The following LINGO2 variants were observed in gnomAD, a reference collection of about 807,000 sequenced individuals.
The protein encoded by LINGO2 is leucine rich repeat and Ig domain containing 2, also known as leucine-rich repeat and immunoglobulin-like domain-containing nogo receptor-interacting protein 2.
Under a neutral mutation model 30.6 loss-of-function variants are expected in LINGO2, and 14 were observed. That is an observed-to-expected ratio of 0.46 (90% CI 0.30 to 0.72). The LOEUF is 0.72. Among genes scored for constraint, LINGO2 ranks in the 30% least tolerant of loss-of-function variants. The probability of loss-of-function intolerance (pLI) is 0.07; values close to 1 mark genes in which losing one functional copy is unlikely to be tolerated. For synonymous variants in LINGO2, 317 were observed against 288.5 expected, an observed-to-expected ratio of 1.10 and a Z score of -1.00; for missense variants, 729 against 751.7, an observed-to-expected ratio of 0.97 and a Z score of 0.35.
At chr9:28,939,180 A>AG in the LINGO2 span, among the ~76,000 whole-genome samples, 835 of 151,252 alleles carry the variant, frequency 5.5e-3, 18 homozygotes, top group East Asian at 0.065. Context: ...AGGCTACTTA[A>AG]GCTACTTAAG....
At chr9:28,626,904 T>C (rs1398064797) in intron 1 of LINGO2, among the ~76,000 whole-genome samples, 1 of 152,048 alleles carries the variant, frequency 6.6e-6, no homozygotes, top group African/African-American at 2.4e-5. Context: ...ATGTTTATAG[T>C]AGCCATTTTA....
chr9:28,215,579 A>C (rs1820737836), intron 4 of LINGO2, among the ~76,000 whole-genome samples: 1 of 151,836 alleles, frequency 6.6e-6, no homozygotes, highest in Non-Finnish European at 1.5e-5. Flanking sequence ...GATTGGTTCA[A>C]TTTAATCAAA....
chr9:29,161,482 A>G, the LINGO2 span, among the ~76,000 whole-genome samples: 19 of 152,172 alleles, frequency 1.2e-4, no homozygotes, highest in African/African-American at 4.3e-4. Context: ...CTAGTATCCT[A>G]TGAATGTCTC....
At chr9:28,360,128 C>T (rs1820383092) in intron 3 of LINGO2, among the ~76,000 whole-genome samples, 1 of 152,128 alleles carries the variant, frequency 6.6e-6, no homozygotes, top group Non-Finnish European at 1.5e-5. Flanking sequence ...GGTATGAGCT[C>T]ACAAAATGGT....
chr9:28,374,149 G>T (rs1389992889), intron 2 of LINGO2, among the ~76,000 whole-genome samples: 1 of 150,850 alleles, frequency 6.6e-6, no homozygotes, highest in Admixed American at 6.6e-5. Flanking sequence ...AAGGCCTACG[G>T]AGTATTTGAT....
intron 2 of LINGO2, among the ~76,000 whole-genome samples, chr9:28,374,215 T>C (rs1277503775): frequency 6.8e-6 from 1 of 147,604 alleles, no homozygotes; most frequent in Non-Finnish European, 1.5e-5. Context: ...TTTATTTATA[T>C]ATATATATAT....
the LINGO2 span, among the ~76,000 whole-genome samples, chr9:29,027,639 G>T: frequency 6.6e-6 from 1 of 152,268 alleles, no homozygotes; most frequent in Admixed American, 6.5e-5. Context: ...CACCAGGCCA[G>T]ATATGAGTTT....
At position 28,609,228 on chromosome 9, in the gene LINGO2, G is replaced by A. The variant is rs147812788; in HGVS notation, c.-365+60972C>T. Among the ~76,000 whole-genome samples, 715 of 148,014 alleles carry A rather than the reference G, an allele frequency of 4.8e-3. 14 individuals are homozygous for A. Among genetic ancestry groups the A allele is most frequent in the African/African-American group, 0.017 (668 of 40,278 alleles). On this transcript the variant is annotated intron_variant, in intron 1 of 5. Coordinates refer to ENST00000379992, the Ensembl canonical transcript of LINGO2. ...AAACAATGTTTATTTTAGAATCTTT[G>A]GTTAGGTATGTCCTTTCTAGCAAGG...
chr9:28,220,701 C>T (rs1331252746), intron 4 of LINGO2, among the ~76,000 whole-genome samples: 1 of 152,138 alleles, frequency 6.6e-6, no homozygotes. Flanking sequence ...AAAGACCCTA[C>T]ATTCTAGAGC....
chr9:29,109,771 G>C, the LINGO2 span, among the ~76,000 whole-genome samples: 1 of 152,154 alleles, frequency 6.6e-6, no homozygotes, highest in Non-Finnish European at 1.5e-5. Flanking sequence ...ATACATTAGA[G>C]AAGTATTAGC....
At chr9:29,127,135 T>G in the LINGO2 span, among the ~76,000 whole-genome samples, 1 of 152,052 alleles carries the variant, frequency 6.6e-6, no homozygotes, top group Non-Finnish European at 1.5e-5. Context: ...ACGGGAAACC[T>G]CTAGAGAGTA....
chr9:28,719,217 C>G, the LINGO2 span, among the ~76,000 whole-genome samples: 2 of 152,044 alleles, frequency 1.3e-5, 1 homozygote, highest in South Asian at 4.1e-4. Context: ...CTCCTTGATT[C>G]TACCCGTTTG....
intron 3 of LINGO2, among the ~76,000 whole-genome samples, chr9:28,314,007 C>T (rs1427274676): frequency 6.6e-6 from 1 of 152,066 alleles, no homozygotes; most frequent in Non-Finnish European, 1.5e-5. Flanking sequence ...GATCTTGGCT[C>T]ACTGCAGGCT....
At chr9:28,796,276 T>C in the LINGO2 span, among the ~76,000 whole-genome samples, 2 of 152,262 alleles carry the variant, frequency 1.3e-5, no homozygotes, top group Admixed American at 1.3e-4. Flanking sequence ...CTGATAATTC[T>C]AAAAACAGAA....
chr9:29,204,023 T>G, the LINGO2 span, among the ~76,000 whole-genome samples: 1 of 152,184 alleles, frequency 6.6e-6, no homozygotes, highest in Non-Finnish European at 1.5e-5. Context: ...TATGCAACTG[T>G]GAATGCACAT....
intron 4 of LINGO2, among the ~76,000 whole-genome samples, chr9:28,096,837 T>C (rs554792373): frequency 1.3e-4 from 20 of 152,284 alleles, no homozygotes; most frequent in African/African-American, 4.8e-4. Flanking sequence ...GACACACAGA[T>C]TGCTTCAAGA....
chr9:28,343,325 T>C (rs1819432337), intron 3 of LINGO2, among the ~76,000 whole-genome samples: 1 of 152,166 alleles, frequency 6.6e-6, no homozygotes, highest in African/African-American at 2.4e-5. Flanking sequence ...CATACATATA[T>C]ACATTCCTCA....
the LINGO2 span, among the ~76,000 whole-genome samples, chr9:29,009,288 T>C: frequency 9.2e-5 from 14 of 152,282 alleles, no homozygotes; most frequent in South Asian, 2.1e-4. Context: ...GAGAACCCCA[T>C]TGTCTCAGCC....
At chr9:27,979,684 A>G (rs990355282) in intron 5 of LINGO2, among the ~76,000 whole-genome samples, 1 of 151,948 alleles carries the variant, frequency 6.6e-6, no homozygotes, top group Non-Finnish European at 1.5e-5. Flanking sequence ...CTTCCCCTAT[A>G]GTTCACCCCT....
Sources: allele counts gnomAD v4.1 joint callset (sites outside exome capture counted in the v4.1 genomes callset), GRCh38; gene constraint gnomAD v4.1.1; transcripts MANE v1.5; gene names NCBI Gene and HGNC (gene_info 2026-07-23, HGNC 2026-07-21).